Variants in TNR observed in about 807,000 individuals in gnomAD.
TNR encodes tenascin R.
Under a neutral mutation model 150.4 loss-of-function variants are expected in TNR, and 45 were observed. The ratio of observed to expected loss-of-function variants is 0.30; its 90% CI spans 0.24 to 0.38. The LOEUF is 0.38. Ranked by LOEUF, TNR falls within the 10% of genes least tolerant of loss-of-function variation. TNR has a pLI of 1.00. For missense variants in TNR, 1,544 were observed against 1,759.1 expected (o/e 0.88, Z 2.19); for synonymous variants, 687 against 678.4 (o/e 1.01, Z -0.20).
intron 2 of TNR, among the ~76,000 whole-genome samples, chr1:175,455,261 A>G (rs1203373110): frequency 1.3e-5 from 2 of 152,164 alleles, no homozygotes; most frequent in East Asian, 3.8e-4. Context: ...CTCCTCACCC[A>G]TGGAATCTGT....
intron 2 of TNR, among the ~76,000 whole-genome samples, chr1:175,517,179 C>G (rs142485354): frequency 6.4e-4 from 97 of 152,290 alleles, no homozygotes; most frequent in African/African-American, 8.4e-4. Flanking sequence ...CTACCTCCCC[C>G]CAACATTTCC....
chr1:175,622,243 C>T (rs567357246), intron 1 of TNR, among the ~76,000 whole-genome samples: 2 of 152,322 alleles, frequency 1.3e-5, no homozygotes, highest in South Asian at 2.1e-4. Context: ...GCCTTACAGG[C>T]CCTCATTTCC....
chr1:175,463,096 G>A lies in TNR; in HGVS notation c.-63-56319C>T, dbSNP rs185209684. On this transcript the variant is annotated intron_variant, in intron 2 of 22. Transcript: ENST00000367674. ...GCAGAAGGTCAGTTTTCTCTGAATC[G>A]CACTGGAGAATCTCCACCTTAAAAT... Among the ~76,000 whole-genome samples the A allele has an allele frequency of 3.3e-3, 510 of 152,242 alleles. 4 individuals carry two copies. Among genetic ancestry groups the A allele is most frequent in the Non-Finnish European group, 3.7e-3 (254 of 68,026 alleles).
chr1:175,566,152 T>C (rs763320588), intron 1 of TNR, among the ~76,000 whole-genome samples: 2 of 152,216 alleles, frequency 1.3e-5, no homozygotes, highest in African/African-American at 2.4e-5. Flanking sequence ...TATCCCTGAA[T>C]AAACGAGAGT....
chr1:175,685,138 T>C (rs1666150699), intron 1 of TNR, among the ~76,000 whole-genome samples: 1 of 152,200 alleles, frequency 6.6e-6, no homozygotes, highest in South Asian at 2.1e-4. Context: ...CCCCTTATTC[T>C]CTGGATTTTC....
chr1:175,380,976 A>T (rs1182663856), intron 8 of TNR, among the ~76,000 whole-genome samples: 2 of 152,246 alleles, frequency 1.3e-5, no homozygotes, highest in Non-Finnish European at 2.9e-5. Context: ...GTGAGCGCAG[A>T]GGCTTTGGAG....
chr1:175,675,501 T>C lies in TNR; in HGVS notation c.-165+67725A>G, dbSNP rs186235007. 1.2e-3 allele frequency among the ~76,000 whole-genome samples: 186 copies of C among 152,304 alleles called. 1 individual carries two copies. The highest frequency in any genetic ancestry group is 4.3e-3 in the African/African-American group (178 of 41,546). ...GCAGTGTATACATGCTCCATAAGTG[T>C]ATGCTGTACACTTCAAGCATGCAGG... On this transcript the variant is annotated intron_variant, in intron 1 of 22. Transcript: ENST00000367674.
At chr1:175,512,011 T>C (rs1659198052) in intron 2 of TNR, among the ~76,000 whole-genome samples, 1 of 152,226 alleles carries the variant, frequency 6.6e-6, no homozygotes, top group Admixed American at 6.5e-5. Context: ...AGCTATAGGA[T>C]GATTGAGATA....
chr1:175,380,494 C>A (rs1652622122), intron 8 of TNR, among the ~76,000 whole-genome samples: 1 of 151,816 alleles, frequency 6.6e-6, no homozygotes, highest in South Asian at 2.1e-4. Flanking sequence ...TGGTGTGAAC[C>A]CGGGAGGCGG....
Position 175,454,574 on chromosome 1 carries a change from C to T in TNR, c.-63-47797G>A, listed in dbSNP as rs535496365. Among the ~76,000 whole-genome samples, 20 of 152,288 alleles carry T rather than the reference C, an allele frequency of 1.3e-4. 1 individual carries two copies. The highest frequency in any genetic ancestry group is 2.6e-4 in the African/African-American group (11 of 41,562). On this transcript the variant is annotated intron_variant, in intron 2 of 22. Transcript: ENST00000367674. ...CAACCTCCCCTCTCCTGGGTTCAAG[C>T]GATTCTCCTGCCTCAGCCTCTGGAG...
At chr1:175,567,578 T>A (rs919351057) in intron 1 of TNR, among the ~76,000 whole-genome samples, 2 of 152,162 alleles carry the variant, frequency 1.3e-5, no homozygotes, top group African/African-American at 4.8e-5. Flanking sequence ...GCATCTCTGT[T>A]GTGATGTTCA....
At chr1:175,534,839 G>A (rs1660206891) in intron 1 of TNR, among the ~76,000 whole-genome samples, 1 of 152,242 alleles carries the variant, frequency 6.6e-6, no homozygotes, top group South Asian at 2.1e-4. Context: ...ACCAGGTGGA[G>A]ATAATTGATT....
chr1:175,663,192 C>T (rs1289223559), intron 1 of TNR, among the ~76,000 whole-genome samples: 5 of 152,152 alleles, frequency 3.3e-5, no homozygotes, highest in East Asian at 1.9e-4. Context: ...GCCACGCTGG[C>T]GGGGGATCCA....
chr1:175,511,131 C>A (rs1285645255), intron 2 of TNR, among the ~76,000 whole-genome samples: 1 of 152,292 alleles, frequency 6.6e-6, no homozygotes, highest in East Asian at 1.9e-4. Context: ...AGTTGGGACT[C>A]CCTGGATCCC....
intron 7 of TNR, among the ~76,000 whole-genome samples, chr1:175,387,380 C>G (rs755929184): frequency 1.3e-5 from 2 of 152,270 alleles, no homozygotes; most frequent in Non-Finnish European, 2.9e-5. Flanking sequence ...CTCTGGTTCT[C>G]TAATTAGCCT....
chr1:175,518,954 C>G (rs1385639376), intron 2 of TNR, among the ~76,000 whole-genome samples: 1 of 152,204 alleles, frequency 6.6e-6, no homozygotes, highest in Admixed American at 6.5e-5. Flanking sequence ...CTACAGGCAT[C>G]TCTATTATAC....
At chr1:175,506,526 A>C (rs766138685) in intron 2 of TNR, among the ~76,000 whole-genome samples, 1 of 152,198 alleles carries the variant, frequency 6.6e-6, no homozygotes, top group African/African-American at 2.4e-5. Flanking sequence ...TGGCATCCCT[A>C]TAAGAAGAGG....
In TNR at chr1:175,416,985, G is replaced by A. The variant is rs1434713341; in HGVS notation, c.-63-10208C>T. On this transcript the variant is annotated intron_variant, in intron 2 of 22. Coordinates refer to ENST00000367674, the MANE Select transcript of TNR (RefSeq NM_003285.3). ...ATTGCGCCACTGCACTCCAGCCTGG[G>A]CTACAGAGCGAGACTCCATCTCAAA... Among the ~76,000 whole-genome samples, 4 of 98,404 alleles carry A rather than the reference G, an allele frequency of 4.1e-5. No homozygotes were observed. In the South Asian group the frequency reaches 1.2e-3, roughly 30 times the overall value. The allele number at this position is 98,404 out of a possible 152,430, so 64.6% of individuals were successfully genotyped here.
At chr1:175,567,359 T>C (rs1277637106) in intron 1 of TNR, among the ~76,000 whole-genome samples, 1 of 152,142 alleles carries the variant, frequency 6.6e-6, no homozygotes, top group Admixed American at 6.5e-5. Flanking sequence ...GGCTAGCATG[T>C]GCACAATGAA....
Sources: allele counts gnomAD v4.1 joint callset (sites outside exome capture counted in the v4.1 genomes callset), GRCh38; gene constraint gnomAD v4.1.1; transcripts MANE v1.5; gene names NCBI Gene and HGNC (gene_info 2026-07-23, HGNC 2026-07-21).